CELF2: variants seen among roughly 807,000 people sequenced by gnomAD.
The protein encoded by CELF2 is CUG triplet repeat RNA-binding protein 2.
A neutral mutation model predicts 62.6 loss-of-function variants in CELF2; 8 were observed. That is an observed-to-expected ratio of 0.13 (90% CI 0.07 to 0.23). CELF2 has a LOEUF of 0.23. CELF2 is among the 10% of genes least tolerant of loss of function. The pLI, the probability that CELF2 is intolerant of heterozygous loss-of-function variation, is 1.00. For missense variants in CELF2, 333 were observed against 671.0 expected, an observed-to-expected ratio of 0.50 and a Z score of 5.56; for synonymous variants, 258 against 250.0, an observed-to-expected ratio of 1.03 and a Z score of -0.30.
the CELF2 span, among the ~76,000 whole-genome samples, chr10:10,697,134 G>A: frequency 4.0e-5 from 6 of 151,806 alleles, no homozygotes; most frequent in South Asian, 2.1e-4. Context: ...AAAAAAAGTG[G>A]TTGTCCACCC....
At chr10:10,682,294 G>T in the CELF2 span, among the ~76,000 whole-genome samples, 1 of 152,212 alleles carries the variant, frequency 6.6e-6, no homozygotes, top group South Asian at 2.1e-4. Context: ...AGCACAATGA[G>T]AAATTTACAA....
the CELF2 span, among the ~76,000 whole-genome samples, chr10:10,568,626 G>C: frequency 6.6e-6 from 1 of 152,170 alleles, no homozygotes; most frequent in Non-Finnish European, 1.5e-5. Context: ...ACCTTTCTTG[G>C]ATGTAACAGG....
the CELF2 span, among the ~76,000 whole-genome samples, chr10:10,724,784 G>C: frequency 1.6e-3 from 236 of 152,026 alleles, 2 homozygotes; most frequent in Non-Finnish European, 2.9e-3. Context: ...TTTCTCTCAA[G>C]TCCTTACCTC....
the CELF2 span, among the ~76,000 whole-genome samples, chr10:10,679,676 C>A: frequency 1.3e-5 from 2 of 152,170 alleles, no homozygotes; most frequent in Admixed American, 6.5e-5. Context: ...TCTCATATAT[C>A]CATCTAGTTT....
At chr10:11,123,855 CT>C (rs1166267895) in intron 1 of CELF2, among the ~76,000 whole-genome samples, 1 of 152,174 alleles carries the variant, frequency 6.6e-6, no homozygotes, top group Non-Finnish European at 1.5e-5. Context: ...ACAGTCTCTT[CT>C]TTCTTATGTC....
intron 8 of CELF2, among the ~76,000 whole-genome samples, chr10:11,287,690 T>G (rs10752217): frequency 0.86 from 130,458 of 152,264 alleles, 56,113 homozygotes; most frequent in East Asian, 0.91. Context: ...GGACACATTT[T>G]AGGGTTCACA....
In CELF2 at chr10:11,224,279, G is replaced by T. The variant is rs185756362; in HGVS notation, c.354+6772G>T. On this transcript the variant is annotated intron_variant, in intron 3 of 12. Coordinates refer to ENST00000633077, the MANE Select transcript of CELF2 (RefSeq NM_001326342.2). This position sits in a 1 kb window ranked among gnomAD's most constrained non-coding sequence, Gnocchi z 4.5. ...CTTGTGTGAGAAAGTATGTTAACGC[G>T]CTGGTACTGGTGCCTGATCAGATTT... Among the ~76,000 whole-genome samples the T allele has an allele frequency of 6.6e-6, 1 of 152,118 alleles. No homozygotes were observed. Among genetic ancestry groups the T allele is most frequent in the Non-Finnish European group, 1.5e-5 (1 of 68,034 alleles).
At chr10:10,970,285 T>A (rs2050625956) in intron 2 of CELF2, among the ~76,000 whole-genome samples, 1 of 152,150 alleles carries the variant, frequency 6.6e-6, no homozygotes. Context: ...CAGGCTGGTC[T>A]TGAACTCCTG....
At position 11,260,751 on chromosome 10, in the gene CELF2, A is replaced by G. The variant is rs898914274; in HGVS notation, c.538+2879A>G. On this transcript the variant is annotated intron_variant, in intron 5 of 12. Transcript: ENST00000633077. The surrounding 1 kb of genome is among the most constrained non-coding windows in gnomAD (Gnocchi z 4.2). The stretch of plus-strand genomic sequence containing the variant: ...TAAGAAAGAAAGAAAATACTCATTT[A>G]TAACCATTTATCCTGAGAACTGAAG... Among the ~76,000 whole-genome samples, 4 of 152,110 alleles carry G rather than the reference A, an allele frequency of 2.6e-5. No individual in the cohort carries two copies. The South Asian group carries it at 6.2e-4, about 24-fold the overall frequency.
At chr10:10,970,983 T>C (rs994132513) in intron 2 of CELF2, among the ~76,000 whole-genome samples, 1 of 152,174 alleles carries the variant, frequency 6.6e-6, no homozygotes, top group Admixed American at 6.5e-5. Context: ...ACTGATGACA[T>C]TGAATGAAGG....
At chr10:10,875,855 T>C (rs1399076211) in intron 1 of CELF2, among the ~76,000 whole-genome samples, 5 of 152,250 alleles carry the variant, frequency 3.3e-5, no homozygotes, top group African/African-American at 1.2e-4. Flanking sequence ...ATGACTGCTC[T>C]ATCAGACATA....
At chr10:10,650,357 T>C in the CELF2 span, among the ~76,000 whole-genome samples, 1 of 152,214 alleles carries the variant, frequency 6.6e-6, no homozygotes, top group Non-Finnish European at 1.5e-5. Flanking sequence ...TCATCTTGCT[T>C]CCAAAGTAGT....
intron 1 of CELF2, among the ~76,000 whole-genome samples, chr10:10,824,984 G>A (rs943893155): frequency 6.6e-6 from 1 of 152,036 alleles, no homozygotes; most frequent in Non-Finnish European, 1.5e-5. Context: ...TCTGTTTCCC[G>A]GGGCATACTG....
rs1397591224 is a variant in CELF2 at position 10,931,621 on chromosome 10, C to T, written c.89+11622C>T. 6.6e-6 allele frequency among the ~76,000 whole-genome samples: 1 copy of T among 152,130 alleles called. No homozygotes were observed. Among genetic ancestry groups the T allele is most frequent in the Non-Finnish European group, 1.5e-5 (1 of 68,028 alleles). On this transcript the variant is annotated intron_variant, in intron 2 of 13. Coordinates refer to the CELF2 transcript ENST00000636488. This position sits in a 1 kb window ranked among gnomAD's most constrained non-coding sequence, Gnocchi z 6.1. ...TTCCAAAGTAAAGAAAATTTATTTC[C>T]AAATTAGGCTTTCAACGTAATAGGT...
In CELF2 at chr10:11,247,603, T is replaced by C. The variant is rs1286744337; in HGVS notation, c.355-1550T>C. 7.6e-6 allele frequency among the ~76,000 whole-genome samples: 1 copy of C among 131,542 alleles called. No homozygotes were observed. Among genetic ancestry groups the C allele is most frequent in the Non-Finnish European group, 1.6e-5 (1 of 62,014 alleles). The allele number at this position is 131,542 out of a possible 152,430, so 86.3% of individuals were successfully genotyped here. ...CCTCCATCCTATGCCCGCCATCCCA[T>C]GCCCGCCATCCCACCCCTGCCACAC... is the stretch of plus-strand genomic sequence containing the variant. On this transcript the variant is annotated intron_variant, in intron 3 of 12. Transcript: ENST00000633077. This position sits in a 1 kb window ranked among gnomAD's most constrained non-coding sequence, Gnocchi z 5.4.
chr10:10,623,564 G>A, the CELF2 span, among the ~76,000 whole-genome samples: 3 of 152,152 alleles, frequency 2.0e-5, no homozygotes, highest in Non-Finnish European at 4.4e-5. Context: ...GAGCTGCCAT[G>A]GGGAAACATG....
the CELF2 span, among the ~76,000 whole-genome samples, chr10:10,705,409 C>T: frequency 2.7e-5 from 4 of 148,846 alleles, no homozygotes; most frequent in African/African-American, 9.9e-5. Flanking sequence ...TTTTCCTTAG[C>T]CATGGAGTAA....
chr10:10,590,161 G>GCA, the CELF2 span, among the ~76,000 whole-genome samples: 1,650 of 150,110 alleles, frequency 0.011, 19 homozygotes, highest in African/African-American at 0.016. Flanking sequence ...ACATGTGCAT[G>GCA]CACACACACA....
intron 1 of CELF2, among the ~76,000 whole-genome samples, chr10:11,135,060 AG>A (rs903672818): frequency 6.6e-6 from 1 of 152,148 alleles, no homozygotes; most frequent in Non-Finnish European, 1.5e-5. Flanking sequence ...GATGGGTGTT[AG>A]GTTGACTTGA....
Sources: gnomAD v4.1 joint callset for allele counts (sites outside exome capture counted in the v4.1 genomes callset) on GRCh38, gnomAD v4.1.1 for gene constraint, Gnocchi (gnomAD v3.1) non-coding constraint, MANE v1.5 for transcripts, NCBI Gene and HGNC (gene_info 2026-07-23, HGNC 2026-07-21) for gene names.